Variants in PCDHA4 observed in about 807,000 individuals in gnomAD.
PCDHA4 encodes protocadherin alpha-4.
In PCDHA4, 49 loss-of-function variants were observed where a neutral mutation model predicts 61.4. That is an observed-to-expected ratio of 0.80 (90% CI 0.63 to 1.01). The LOEUF (loss-of-function observed/expected upper bound fraction) is 1.01, where lower values mean the gene tolerates loss of function less well. Among genes scored for constraint, PCDHA4 ranks in the 50% least tolerant of loss-of-function variants. PCDHA4 has a pLI of 0.00. For synonymous variants in PCDHA4, 590 were observed against 550.3 expected (o/e 1.07, Z -1.01); for missense variants, 1,254 against 1,235.8 (o/e 1.01, Z -0.22).
chr5:140,891,378 T>C (rs141028628), intron 1 of PCDHA4, among the ~76,000 whole-genome samples: 2 of 152,104 alleles, frequency 1.3e-5, no homozygotes, highest in African/African-American at 4.8e-5. Context: ...CATTGCACCA[T>C]ATTTGCAATC....
intron 3 of PCDHA4, among the ~76,000 whole-genome samples, chr5:140,999,809 CAA>C (rs1350603380): frequency 1.3e-5 from 2 of 152,160 alleles, no homozygotes; most frequent in African/African-American, 2.4e-5. Flanking sequence ...GGGCACAAAG[CAA>C]GAGCTGTGGC....
At chr5:140,979,738 G>T (rs754559318) in intron 2 of PCDHA4, among the ~76,000 whole-genome samples, 10 of 152,194 alleles carry the variant, frequency 6.6e-5, no homozygotes, top group East Asian at 1.9e-4. Context: ...CCAAATAAAA[G>T]ATTCATTATT....
At chr5:140,852,280 G>T in intron 1 of PCDHA4, 1 of 510,402 alleles carries the variant, frequency 2.0e-6, no homozygotes, top group Non-Finnish European at 2.6e-6. Flanking sequence ...CATGTTTTTT[G>T]TCTTTTTATT....
chr5:140,908,276 A>T (rs1554193275), intron 1 of PCDHA4, among the ~76,000 whole-genome samples: 1 of 152,148 alleles, frequency 6.6e-6, no homozygotes, highest in Non-Finnish European at 1.5e-5. Context: ...CCATGAGGCC[A>T]TTGTTGCAAG....
Position 140,895,372 on chromosome 5 carries a change from T to C in PCDHA4, c.2386-83577T>C, listed in dbSNP as rs112463980. Among the ~76,000 whole-genome samples, 883 of 152,294 alleles carry C rather than the reference T, an allele frequency of 5.8e-3. 7 individuals carry two copies. The highest frequency in any genetic ancestry group is 0.021 in the African/African-American group (855 of 41,558). On this transcript the variant is annotated intron_variant, in intron 1 of 3. Coordinates refer to ENST00000530339, the MANE Select transcript of PCDHA4 (RefSeq NM_018907.4). The stretch of plus-strand genomic sequence containing the variant: ...CCAGTGAGTACTTATTGGCACTTTT[T>C]GGAGTTCTTCAATTCTCAACACCAT...
intron 1 of PCDHA4, chr5:140,929,010 G>C (rs1554206575): frequency 6.2e-7 from 1 of 1,614,128 alleles, no homozygotes; most frequent in Non-Finnish European, 8.5e-7. Flanking sequence ...TGTGTACCAA[G>C]TTGCACCAGA....
chr5:140,885,965 A>C (rs2060792569), intron 1 of PCDHA4, among the ~76,000 whole-genome samples: 1 of 152,070 alleles, frequency 6.6e-6, no homozygotes, highest in African/African-American at 2.4e-5. Context: ...TTTTATTTTG[A>C]GATAATTATA....
intron 1 of PCDHA4, among the ~76,000 whole-genome samples, chr5:140,846,033 A>T (rs1301242129): frequency 6.7e-6 from 1 of 149,692 alleles, no homozygotes; most frequent in East Asian, 1.9e-4. Flanking sequence ...GAGTTTAGGA[A>T]AGTCAAGTTA....
chr5:140,822,226 T>C, intron 1 of PCDHA4: 1 of 1,614,276 alleles, frequency 6.2e-7, no homozygotes, highest in Non-Finnish European at 8.5e-7. Context: ...AGATTCGCGG[T>C]TTCCGCTAGA....
intron 1 of PCDHA4, among the ~76,000 whole-genome samples, chr5:140,943,363 T>C (rs1192531762): frequency 2.0e-5 from 3 of 148,712 alleles, no homozygotes; most frequent in Non-Finnish European, 4.5e-5. Flanking sequence ...GGAAAGGAGA[T>C]CATTAAAATA....
intron 1 of PCDHA4, chr5:140,966,905 T>C (rs1554228876): frequency 1.9e-6 from 3 of 1,600,790 alleles, no homozygotes; most frequent in Non-Finnish European, 2.5e-6. Flanking sequence ...GCTGCGATAC[T>C]CTGTGCCAGA....
intron 1 of PCDHA4, chr5:140,877,376 G>A: frequency 6.2e-7 from 1 of 1,614,014 alleles, no homozygotes; most frequent in Non-Finnish European, 8.5e-7. Context: ...AGCACGACAC[G>A]CATCCTGGAT....
intron 1 of PCDHA4, among the ~76,000 whole-genome samples, chr5:140,908,412 T>G (rs2073956005): frequency 6.6e-6 from 1 of 152,212 alleles, no homozygotes; most frequent in South Asian, 2.1e-4. Context: ...TTCCATTTGA[T>G]GATGGAATGC....
chr5:140,832,402 T>C (rs1771970001), intron 1 of PCDHA4, among the ~76,000 whole-genome samples: 1 of 152,248 alleles, frequency 6.6e-6, no homozygotes. Context: ...GTAGTGGTAT[T>C]TTCTGTTTTC....
At chr5:140,836,568 G>A (rs2150264277) in intron 1 of PCDHA4, 2 of 1,613,778 alleles carry the variant, frequency 1.2e-6, no homozygotes, top group Non-Finnish European at 1.7e-6. Context: ...GCCGTCCTCT[G>A]AGGGCGCATG....
intron 1 of PCDHA4, chr5:140,881,278 T>G: frequency 5.4e-6 from 4 of 743,002 alleles, no homozygotes; most frequent in Non-Finnish European, 6.6e-6. Flanking sequence ...TGAAGTAAGA[T>G]GGAGAGAGAA....
intron 1 of PCDHA4, chr5:140,823,011 G>T: frequency 6.2e-7 from 1 of 1,614,246 alleles, no homozygotes; most frequent in Non-Finnish European, 8.5e-7. Flanking sequence ...ACAGCGCCCT[G>T]GACCGCGAGA....
rs570001791 is a variant in PCDHA4, at chr5:140,924,660, C to T, written c.2386-54289C>T. Among the ~76,000 whole-genome samples the T allele has an allele frequency of 2.5e-3, 382 of 152,090 alleles. 1 individual carries two copies. Among genetic ancestry groups the T allele is most frequent in the South Asian group, 8.9e-3 (43 of 4,822 alleles). Reference sequence around the variant, plus strand: ...CTGTAATCCCAGCACTTTGGGAGGCCGAGGCAGGCCAATCACTTGAGGTCA... The same window carrying T: ...CTGTAATCCCAGCACTTTGGGAGGCTGAGGCAGGCCAATCACTTGAGGTCA... On this transcript the variant is annotated intron_variant, in intron 1 of 3. Coordinates refer to ENST00000530339, the MANE Select transcript of PCDHA4 (RefSeq NM_018907.4).
At chr5:140,857,127 A>C in intron 1 of PCDHA4, 1 of 1,598,180 alleles carries the variant, frequency 6.3e-7, no homozygotes, top group Non-Finnish European at 8.6e-7. Flanking sequence ...CCAGTGAAAG[A>C]AGATGCTCAA....
Sources: allele counts gnomAD v4.1 joint callset (sites outside exome capture counted in the v4.1 genomes callset), GRCh38; gene constraint gnomAD v4.1.1; transcripts MANE v1.5; gene names NCBI Gene and HGNC (gene_info 2026-07-23, HGNC 2026-07-21).